Variants in RABEPK observed in about 807,000 individuals in gnomAD.
The protein encoded by RABEPK is 40 kDa Rab9 effector protein.
RABEPK carries 27 observed loss-of-function variants against 34.1 expected under a neutral mutation model. The observed-to-expected ratio is 0.79, with a 90% CI of 0.58 to 1.09. The LOEUF (loss-of-function observed/expected upper bound fraction) is 1.09. Ranked by LOEUF, RABEPK falls within the 50% of genes least tolerant of loss-of-function variation. The probability of loss-of-function intolerance (pLI) is 0.00; values close to 1 mark genes in which losing one functional copy is unlikely to be tolerated. For missense variants in RABEPK, 449 were observed against 462.6 expected, an observed-to-expected ratio of 0.97 and a Z score of 0.27; for synonymous variants, 172 against 169.2, an observed-to-expected ratio of 1.02 and a Z score of -0.13.
chr9:125,230,078 C>T (rs1037908851), intron 6 of RABEPK, among the ~76,000 whole-genome samples: 3 of 152,180 alleles, frequency 2.0e-5, no homozygotes, highest in African/African-American at 7.2e-5. Flanking sequence ...ATTCTCCTGC[C>T]TCAGCCTCCC....
chr9:125,233,488 G>A (rs939784004), intron 7 of RABEPK, among the ~76,000 whole-genome samples, 200 bp from the exon 8 acceptor site: 1 of 151,746 alleles, frequency 6.6e-6, no homozygotes, highest in Non-Finnish European at 1.5e-5. Context: ...ACAGGTGCCC[G>A]CCACCATGCC....
intron 5 of RABEPK, among the ~76,000 whole-genome samples, chr9:125,222,950 G>A (rs1831456791): frequency 6.6e-6 from 1 of 151,872 alleles, no homozygotes; most frequent in Non-Finnish European, 1.5e-5. Context: ...GGGATTACAG[G>A]CATTGAGCCA....
chr9:125,231,052 C>G (rs1832135224), intron 6 of RABEPK, among the ~76,000 whole-genome samples: 1 of 151,962 alleles, frequency 6.6e-6, no homozygotes, highest in Non-Finnish European at 1.5e-5. Context: ...CCTGTAATCC[C>G]AGCACTTTGG....
intron 6 of RABEPK, 27 bp from the exon 7 acceptor site, chr9:125,232,569 G>C: frequency 6.2e-7 from 1 of 1,600,970 alleles, no homozygotes; most frequent in South Asian, 1.1e-5. Flanking sequence ...CCCATGCTGC[G>C]CCAAAGCTCT....
intron 3 of RABEPK, among the ~76,000 whole-genome samples, chr9:125,211,917 C>T (rs1001590274): frequency 3.9e-4 from 59 of 151,898 alleles, no homozygotes; most frequent in Admixed American, 2.9e-3. Flanking sequence ...TGCAGTGAGC[C>T]GAGATCGCGC....
intron 3 of RABEPK, 47 bp from the exon 4 acceptor site, chr9:125,213,323 T>A (rs759119905): frequency 6.3e-7 from 1 of 1,586,980 alleles, no homozygotes; most frequent in Non-Finnish European, 8.6e-7. Context: ...CCAACCAATA[T>A]AATAATTGGC....
At chr9:125,215,960 T>C (rs1441425571) in intron 4 of RABEPK, among the ~76,000 whole-genome samples, 2 of 152,172 alleles carry the variant, frequency 1.3e-5, no homozygotes, top group African/African-American at 4.8e-5. Context: ...GTTTTAAACA[T>C]TGCTAATTTG....
intron 2 of RABEPK, among the ~76,000 whole-genome samples, chr9:125,206,136 T>A (rs963242892): frequency 6.6e-6 from 1 of 152,084 alleles, no homozygotes; most frequent in African/African-American, 2.4e-5. Context: ...AGACAGGGCC[T>A]GAAAAACAGC....
At chr9:125,204,940 A>G (rs1397169435) in intron 2 of RABEPK, among the ~76,000 whole-genome samples, 1 of 151,486 alleles carries the variant, frequency 6.6e-6, no homozygotes, top group Non-Finnish European at 1.5e-5. Context: ...TAACCTTCCC[A>G]TCTCCATCTC....
chr9:125,234,042 G>GT lies in RABEPK; in HGVS notation c.*66dup. The GT allele has an allele frequency of 7.1e-7, 1 of 1,408,520 alleles. No homozygotes were observed. Among genetic ancestry groups the GT allele is most frequent in the Non-Finnish European group, 9.7e-7 (1 of 1,025,926 alleles). The allele number at this position is 1,408,520 out of a possible 1,614,324, so 87.3% of individuals were successfully genotyped here. ...AGAATAGTTAAGTAAAACATTAGCT[G>GT]TTTTATACCTCCAAAATATCTTCTG... On this transcript the variant is annotated 3_prime_UTR_variant, in exon 8 of 8. Coordinates refer to ENST00000373538, the MANE Select transcript of RABEPK (RefSeq NM_005833.4).
Position 125,227,929 on chromosome 9 carries a change from G to A in RABEPK, c.546G>A (p.Gln182=). The change falls in exon 6 of 8, where the codon CAG becomes CAA. Residue 182 remains glutamine, a synonymous_variant. Coordinates refer to ENST00000373538, the MANE Select transcript of RABEPK (RefSeq NM_005833.4). ...TTCTAGACACTCTGACCTGGTCACA[G>A]CCAGAGACACTTGGAAATCCTCCAT... is the stretch of plus-strand genomic sequence containing the variant. The part of the protein sequence containing the change: ...VFDANTLTWS[Q]PETLGNPPSP... 6.2e-7 allele frequency: 1 copy of A among 1,604,346 alleles called. No homozygotes were observed. The highest frequency in any genetic ancestry group is 1.3e-5 in the African/African-American group (1 of 74,500).
At chr9:125,201,611 T>G (rs768190123) in intron 1 of RABEPK, among the ~76,000 whole-genome samples, 1 of 151,894 alleles carries the variant, frequency 6.6e-6, no homozygotes, top group Non-Finnish European at 1.5e-5. Flanking sequence ...AACCTCCATT[T>G]CTATTTTTTT....
intron 4 of RABEPK, among the ~76,000 whole-genome samples, chr9:125,216,840 G>A (rs1830960497): frequency 6.6e-6 from 1 of 151,998 alleles, no homozygotes; most frequent in African/African-American, 2.4e-5. Flanking sequence ...GGTGGCAGGT[G>A]CCTGTGGTCC....
intron 6 of RABEPK, among the ~76,000 whole-genome samples, chr9:125,232,178 C>T (rs903449540): frequency 5.9e-5 from 9 of 151,348 alleles, no homozygotes; most frequent in Middle Eastern, 6.3e-3. Context: ...GGATTACAGG[C>T]GTGAGCCACC....
intron 4 of RABEPK, among the ~76,000 whole-genome samples, chr9:125,216,417 T>C (rs548757124): frequency 2.1e-4 from 31 of 150,960 alleles, no homozygotes; most frequent in South Asian, 4.2e-4. Context: ...AAAATTAAAA[T>C]TAAAAAAAAA....
At chr9:125,222,306 A>G (rs143318791) in intron 5 of RABEPK, 3 of 152,284 alleles carry the variant, frequency 2.0e-5, no homozygotes, top group African/African-American at 7.2e-5. Flanking sequence ...ACAAGAAAAA[A>G]AACATATGTA....
At chr9:125,214,565 G>A (rs1830800393) in intron 4 of RABEPK, among the ~76,000 whole-genome samples, 1 of 152,080 alleles carries the variant, frequency 6.6e-6, no homozygotes, top group South Asian at 2.1e-4. Flanking sequence ...TTCCATCACT[G>A]GCAGTTTTAT....
chr9:125,219,930 G>A (rs564581309), intron 4 of RABEPK, among the ~76,000 whole-genome samples: 1 of 152,062 alleles, frequency 6.6e-6, no homozygotes, highest in Admixed American at 6.6e-5. Flanking sequence ...TAGGGGGAGC[G>A]ATAGTGAGCA....
At chr9:125,228,155 T>C in intron 6 of RABEPK, 96 bp downstream of exon 6, 1 of 1,111,816 alleles carries the variant, frequency 9.0e-7, no homozygotes, top group African/African-American at 1.6e-5. Context: ...CAGGCTGGAG[T>C]GCGGTGGCAT....
Sources: allele counts gnomAD v4.1 joint callset (sites outside exome capture counted in the v4.1 genomes callset), GRCh38; gene constraint gnomAD v4.1.1; transcripts MANE v1.5; gene names NCBI Gene and HGNC (gene_info 2026-07-23, HGNC 2026-07-21).